The following MCMDC2 variants were observed in gnomAD, a reference collection of about 807,000 sequenced individuals.
MCMDC2 encodes the protein minichromosome maintenance domain-containing protein 2.
Under a neutral mutation model 75.8 loss-of-function variants are expected in MCMDC2, and 54 were observed. That is an observed-to-expected ratio of 0.71 (90% confidence interval 0.57 to 0.89). The LOEUF (loss-of-function observed/expected upper bound fraction) is 0.89. MCMDC2 is among the 40% of genes least tolerant of loss of function. MCMDC2 has a pLI of 0.00. For missense variants in MCMDC2, 656 were observed against 780.4 expected (o/e 0.84, Z 1.90); for synonymous variants, 249 against 274.6 (o/e 0.91, Z 0.92).
At chr8:66,897,406 CAAAAA>C (rs745366466) in intron 12 of MCMDC2, among the ~76,000 whole-genome samples, 1 of 72,278 alleles carries the variant, frequency 1.4e-5, no homozygotes. Flanking sequence ...GACCCTGTCT[CAAAAA>C]AAAAAAAAAG....
intron 14 of MCMDC2, among the ~76,000 whole-genome samples, chr8:66,910,311 C>T (rs540560436): frequency 1.1e-3 from 174 of 152,296 alleles, no homozygotes; most frequent in African/African-American, 3.9e-3. Context: ...CCTCCAGACC[C>T]CAGAATGGTA....
chr8:66,911,452 C>T (rs1369266742), intron 14 of MCMDC2, among the ~76,000 whole-genome samples: 2 of 152,138 alleles, frequency 1.3e-5, no homozygotes, highest in African/African-American at 4.8e-5. Flanking sequence ...TATAAATTAC[C>T]CAGTTTTGGG....
At chr8:66,886,158 C>CTTTTTTTT (rs775562349) in intron 9 of MCMDC2, among the ~76,000 whole-genome samples, 1 of 123,442 alleles carries the variant, frequency 8.1e-6, no homozygotes, top group Non-Finnish European at 1.7e-5. Context: ...ATATGTATAA[C>CTTTTTTTT]TTTTTTTTTT....
In MCMDC2 at chr8:66,880,117, G is replaced by T. The variant is rs374900968; in HGVS notation, c.710-732G>T. ...AGAGGAACCTAGTATAATGCAAGAG[G>T]GTAGACTTTGAGGGTAGGCAAACCT... On this transcript the variant is annotated intron_variant, in intron 7 of 14. Coordinates refer to ENST00000422365, the MANE Select transcript of MCMDC2 (RefSeq NM_173518.5). Among the ~76,000 whole-genome samples, 16 of 152,228 alleles carry T rather than the reference G, an allele frequency of 1.1e-4. 1 individual carries two copies. In the South Asian group the frequency reaches 3.1e-3, roughly 30 times the overall value.
intron 9 of MCMDC2, among the ~76,000 whole-genome samples, chr8:66,885,983 C>A (rs1371185326): frequency 1.3e-5 from 2 of 152,016 alleles, no homozygotes; most frequent in African/African-American, 4.8e-5. Context: ...TACGAATGTA[C>A]CAAAATTCAT....
At chr8:66,922,427 A>G (rs773343752), downstream of MCMDC2, 4 of 494,942 alleles carry the variant, frequency 8.1e-6, no homozygotes, top group South Asian at 5.9e-5. Context: ...TAATTAAATT[A>G]TTGCCTTACA....
chr8:66,889,811 T>C (rs779114037), intron 9 of MCMDC2, among the ~76,000 whole-genome samples: 15 of 152,150 alleles, frequency 9.9e-5, no homozygotes, highest in Non-Finnish European at 1.8e-4. Context: ...ATCACGCCAC[T>C]GCACTAGAGC....
At chr8:66,894,712 GGC>G in intron 10 of MCMDC2, among the ~76,000 whole-genome samples, 1 of 152,188 alleles carries the variant, frequency 6.6e-6, no homozygotes, top group Middle Eastern at 3.4e-3. Flanking sequence ...TATTTAGAAT[GGC>G]AATACTACTA....
intron 14 of MCMDC2, among the ~76,000 whole-genome samples, chr8:66,911,550 G>A (rs561108371): frequency 1.3e-5 from 2 of 152,154 alleles, no homozygotes; most frequent in South Asian, 2.1e-4. Context: ...GAGGCCGAGC[G>A]TGGTGGCTCA....
In MCMDC2 at chr8:66,896,267, G is replaced by A. The variant is rs1307271633; in HGVS notation, c.1377G>A (p.Trp459Ter). The change falls in exon 11 of 15, where the codon TGG becomes TGA. Residue 459 changes from tryptophan to a stop codon, truncating the protein, a stop_gained. Coordinates refer to ENST00000422365, the MANE Select transcript of MCMDC2 (RefSeq NM_173518.5). LOFTEE classifies it high-confidence loss of function. ...CTTTTCCAGTTCAGTGCAGTTTTTGGTCTTTTGTTGATGTGGATTCATCTT... is the reference window on the plus strand; with the variant it reads ...CTTTTCCAGTTCAGTGCAGTTTTTGATCTTTTGTTGATGTGGATTCATCTT... ...QMTFPVQCSF[W>*]SFVDVDSSSR... is the part of the protein sequence containing the mutation. The A allele has an allele frequency of 6.2e-7, 1 of 1,611,112 alleles. No homozygotes were observed. Among genetic ancestry groups the A allele is most frequent in the South Asian group, 1.1e-5 (1 of 90,078 alleles).
At chr8:66,890,129 T>C (rs996159676) in intron 9 of MCMDC2, among the ~76,000 whole-genome samples, 8 of 152,104 alleles carry the variant, frequency 5.3e-5, no homozygotes, top group Non-Finnish European at 1.2e-4. Flanking sequence ...TGCAGTGAAG[T>C]GATCTCGGCT....
At chr8:66,871,253 C>A (rs899438132) in intron 1 of MCMDC2, among the ~76,000 whole-genome samples, 1 of 152,126 alleles carries the variant, frequency 6.6e-6, no homozygotes, top group Non-Finnish European at 1.5e-5. Flanking sequence ...TTTATGGCCC[C>A]CTCCTGCTTA....
intron 4 of MCMDC2, among the ~76,000 whole-genome samples, chr8:66,875,961 C>G (rs1811264295): frequency 6.6e-6 from 1 of 152,160 alleles, no homozygotes; most frequent in Non-Finnish European, 1.5e-5. Flanking sequence ...GATTCAGATT[C>G]AAATCACTTG....
At chr8:66,887,021 C>G (rs1474698704) in intron 9 of MCMDC2, among the ~76,000 whole-genome samples, 2 of 152,084 alleles carry the variant, frequency 1.3e-5, no homozygotes, top group African/African-American at 4.8e-5. Flanking sequence ...TCATATATCT[C>G]TTTTTATGAA....
At chr8:66,894,015 CTG>C (rs1262395208) in intron 10 of MCMDC2, among the ~76,000 whole-genome samples, 1 of 152,196 alleles carries the variant, frequency 6.6e-6, no homozygotes, top group African/African-American at 2.4e-5. Context: ...TGGCACTTGA[CTG>C]TGAGTAGAGG....
At chr8:66,878,457 A>G (rs562469931) in intron 5 of MCMDC2, 117 bp from the exon 6 acceptor site, 3 of 934,112 alleles carry the variant, frequency 3.2e-6, no homozygotes, top group East Asian at 3.0e-5. Context: ...AATCTGTGTC[A>G]GTAATAAAAG....
At chr8:66,923,058 T>A (rs1465589478), downstream of MCMDC2, among the ~76,000 whole-genome samples, 1 of 152,214 alleles carries the variant, frequency 6.6e-6, no homozygotes, top group Non-Finnish European at 1.5e-5. Flanking sequence ...CATTTCATGA[T>A]ATCCTTCACT....
At chr8:66,887,446 G>A (rs1811898217) in intron 9 of MCMDC2, among the ~76,000 whole-genome samples, 1 of 152,046 alleles carries the variant, frequency 6.6e-6, no homozygotes, top group African/African-American at 2.4e-5. Flanking sequence ...CATCTACTGG[G>A]GAGGCTGAGG....
In MCMDC2 at chr8:66,890,969, T is replaced by A; in HGVS notation, c.1178T>A (p.Val393Asp). 6.2e-7 allele frequency: 1 copy of A among 1,613,148 alleles called. No homozygotes were observed. Among genetic ancestry groups the A allele is most frequent in the Non-Finnish European group, 8.5e-7 (1 of 1,179,812 alleles). Residue 393 changes from valine (V) to aspartate (D), a missense_variant, in exon 10 of 15, where the codon GTT (valine) becomes GAT (aspartate). By Grantham distance (152) the Val-to-Asp change is radical. Transcript: ENST00000422365. ...LSRNKYGTGA[V>D]SIQAGSALLA... ...AGGAATAAGTATGGAACTGGAGCAG[T>A]TAGCATTCAGGCTGGCAGTGCTTTG...
Sources: allele counts gnomAD v4.1 joint callset (sites outside exome capture counted in the v4.1 genomes callset), GRCh38; gene constraint gnomAD v4.1.1; transcripts MANE v1.5; gene names NCBI Gene and HGNC (gene_info 2026-07-23, HGNC 2026-07-21).